Variants in SHCBP1L observed in about 807,000 individuals in gnomAD.
SHCBP1L encodes the protein testicular spindle-associated protein SHCBP1L.
SHCBP1L carries 67 observed loss-of-function variants against 62.5 expected under a neutral mutation model. The ratio of observed to expected loss-of-function variants is 1.07; its 90% CI spans 0.88 to 1.31. The LOEUF (loss-of-function observed/expected upper bound fraction) is 1.31. Ranked by LOEUF, SHCBP1L falls within the 40% of genes most tolerant of loss-of-function variation. The pLI is 0.00. For missense variants in SHCBP1L, 823 were observed against 809.8 expected (o/e 1.02, Z -0.20); for synonymous variants, 284 against 289.4 (o/e 0.98, Z 0.19).
At chr1:182,930,540 T>A (rs1650934079) in intron 5 of SHCBP1L, among the ~76,000 whole-genome samples, 2 of 103,874 alleles carry the variant, frequency 1.9e-5, no homozygotes, top group African/African-American at 4.7e-5. Flanking sequence ...GGATGTGGCT[T>A]TAGTGTGTGT....
intron 2 of SHCBP1L, among the ~76,000 whole-genome samples, chr1:182,946,934 G>A (rs1651585646): frequency 6.6e-6 from 1 of 152,086 alleles, no homozygotes; most frequent in South Asian, 2.1e-4. Context: ...TAGAATATAT[G>A]GTGCAAAGAA....
chr1:182,948,186 G>A (rs1327652403), intron 2 of SHCBP1L, among the ~76,000 whole-genome samples: 1 of 152,166 alleles, frequency 6.6e-6, no homozygotes, highest in Non-Finnish European at 1.5e-5. Flanking sequence ...GCACTGTTCA[G>A]GAGTCAACAC....
At chr1:182,938,508 T>A (rs1031916563) in intron 5 of SHCBP1L, among the ~76,000 whole-genome samples, 1 of 152,154 alleles carries the variant, frequency 6.6e-6, no homozygotes. Context: ...TTGCCCAGGC[T>A]GGAGTGCAGT....
chr1:182,946,312 A>G (rs886816669), intron 2 of SHCBP1L, among the ~76,000 whole-genome samples: 2 of 150,522 alleles, frequency 1.3e-5, no homozygotes, highest in Non-Finnish European at 1.5e-5. Flanking sequence ...CTCTTCCCCC[A>G]TCTCTCTTCT....
intron 6 of SHCBP1L, among the ~76,000 whole-genome samples, chr1:182,918,171 C>CACACATATATACATATATATACACAT: frequency 7.2e-6 from 1 of 139,032 alleles, no homozygotes; most frequent in East Asian, 2.1e-4. Context: ...TATATACACA[C>CACACATATATACATATATATACACAT]ATATATACAT....
Position 182,905,614 on chromosome 1 carries a change from C to T in SHCBP1L, c.1218G>A (p.Gln406=). The T allele has an allele frequency of 6.2e-7, 1 of 1,613,694 alleles. No homozygotes were observed. The highest frequency in any genetic ancestry group is 8.5e-7 in the Non-Finnish European group (1 of 1,179,804). The part of the protein sequence containing the change: ...KDLSSDTLLQ[Q]HGDLDLALDN... ...CCAAAGCCAAATCCAAATCACCATG[C>T]TGTTGGAGAAGTGTGTCTGAAGATA... The change falls in exon 7 of 10, where the codon CAG becomes CAA. Residue 406 remains glutamine, a synonymous_variant. Coordinates refer to ENST00000367547, the MANE Select transcript of SHCBP1L (RefSeq NM_030933.4).
intron 9 of SHCBP1L, among the ~76,000 whole-genome samples, chr1:182,901,334 G>A (rs1489108118): frequency 6.6e-6 from 1 of 152,192 alleles, no homozygotes; most frequent in East Asian, 1.9e-4. Context: ...GCGCATGCCT[G>A]TAATCCCAGC....
chr1:182,939,112 G>A, intron 5 of SHCBP1L, 64 bp downstream of exon 5: 4 of 1,271,526 alleles, frequency 3.1e-6, no homozygotes, highest in Non-Finnish European at 4.4e-6. Flanking sequence ...CACAAATTAA[G>A]TGCTATGATA....
At chr1:182,907,562 CTTA>C (rs1005963024) in intron 6 of SHCBP1L, among the ~76,000 whole-genome samples, 45 of 149,184 alleles carry the variant, frequency 3.0e-4, no homozygotes, top group East Asian at 1.8e-3. Flanking sequence ...CTTTCTTATT[CTTA>C]TTATTATTAT....
At chr1:182,948,697 G>A (rs544718820) in intron 2 of SHCBP1L, among the ~76,000 whole-genome samples, 21 of 152,246 alleles carry the variant, frequency 1.4e-4, no homozygotes, top group African/African-American at 4.8e-4. Flanking sequence ...ATTTGTTGTG[G>A]CAGCAATAGA....
intron 7 of SHCBP1L, 104 bp downstream of exon 7, chr1:182,905,392 A>G (rs1649978900): frequency 9.2e-6 from 11 of 1,201,932 alleles, no homozygotes; most frequent in Non-Finnish European, 1.3e-5. Flanking sequence ...TGTAAAACAT[A>G]AATTCTATTG....
chr1:182,944,923 C>T (rs115503219), intron 2 of SHCBP1L, among the ~76,000 whole-genome samples: 5,927 of 147,180 alleles, frequency 0.04, 289 homozygotes, highest in African/African-American at 0.11. Flanking sequence ...AATTGTATTG[C>T]TTTTCATTTG....
intron 9 of SHCBP1L, among the ~76,000 whole-genome samples, chr1:182,902,047 CTTTCTTTTTT>C (rs1258157559): frequency 4.1e-5 from 6 of 146,762 alleles, no homozygotes; most frequent in East Asian, 4.0e-4. Flanking sequence ...TTTCTTTTTT[CTTTCTTTTTT>C]TTTCTTTTTT....
At chr1:182,924,898 AG>A (rs1301820939) in intron 6 of SHCBP1L, among the ~76,000 whole-genome samples, 1 of 119,646 alleles carries the variant, frequency 8.4e-6, no homozygotes, top group Non-Finnish European at 1.7e-5. Flanking sequence ...AGACAAAGAG[AG>A]AGAGAGAAAG....
At chr1:182,907,547 T>C (rs371041277) in intron 6 of SHCBP1L, among the ~76,000 whole-genome samples, 3 of 151,088 alleles carry the variant, frequency 2.0e-5, no homozygotes, top group East Asian at 3.9e-4. Flanking sequence ...TTATCATGCA[T>C]ATATCTTTCT....
intron 6 of SHCBP1L, among the ~76,000 whole-genome samples, chr1:182,913,625 G>A (rs1309990038): frequency 6.6e-6 from 1 of 152,048 alleles, no homozygotes; most frequent in Admixed American, 6.6e-5. Flanking sequence ...GAAGTGTAAT[G>A]GACTTTAAGT....
intron 9 of SHCBP1L, among the ~76,000 whole-genome samples, chr1:182,901,056 A>ATG (rs1013093722): frequency 6.6e-6 from 1 of 152,236 alleles, no homozygotes; most frequent in Non-Finnish European, 1.5e-5. Context: ...AAATAAGGTA[A>ATG]TGTGATAGCA....
intron 5 of SHCBP1L, among the ~76,000 whole-genome samples, chr1:182,931,379 T>C (rs1026349614): frequency 7.2e-5 from 11 of 152,180 alleles, no homozygotes; most frequent in African/African-American, 2.4e-4. Context: ...TGTTTTTTAA[T>C]CAGGTTTATT....
At chr1:182,914,035 C>G (rs763358425) in intron 6 of SHCBP1L, among the ~76,000 whole-genome samples, 2 of 152,206 alleles carry the variant, frequency 1.3e-5, no homozygotes, top group Admixed American at 1.3e-4. Flanking sequence ...ATCTTACAAG[C>G]AGCATGAGAG....
Sources: allele counts gnomAD v4.1 joint callset (sites outside exome capture counted in the v4.1 genomes callset), GRCh38; gene constraint gnomAD v4.1.1; transcripts MANE v1.5; gene names NCBI Gene and HGNC (gene_info 2026-07-23, HGNC 2026-07-21).